CEP112: variants seen among roughly 807,000 people sequenced by gnomAD.
CEP112 encodes centrosomal protein of 112 kDa.
Under a neutral mutation model 153.0 loss-of-function variants are expected in CEP112, and 127 were observed. That is an observed-to-expected ratio of 0.83 (90% CI 0.72 to 0.96). CEP112 has a LOEUF of 0.96. Among genes scored for constraint, CEP112 ranks in the 40% least tolerant of loss-of-function variants. The pLI is 0.00. For synonymous variants in CEP112, 358 were observed against 374.4 expected (o/e 0.96, Z 0.51); for missense variants, 1,089 against 1,101.2 (o/e 0.99, Z 0.16).
intron 21 of CEP112, among the ~76,000 whole-genome samples, chr17:65,764,545 T>C (rs995596271): frequency 6.6e-6 from 1 of 152,254 alleles, no homozygotes; most frequent in Non-Finnish European, 1.5e-5. Context: ...TATGAAAGTT[T>C]TTGACTTGAT....
At chr17:66,098,112 C>T (rs2068422417) in intron 6 of CEP112, among the ~76,000 whole-genome samples, 1 of 152,216 alleles carries the variant, frequency 6.6e-6, no homozygotes, top group African/African-American at 2.4e-5. Flanking sequence ...ATCGTTCAAA[C>T]CAGATTCAAA....
intron 21 of CEP112, among the ~76,000 whole-genome samples, chr17:65,842,468 G>C (rs974686978): frequency 6.6e-6 from 1 of 152,012 alleles, no homozygotes; most frequent in Non-Finnish European, 1.5e-5. Context: ...AAGATTATTC[G>C]GGAAACTGTG....
intron 20 of CEP112, among the ~76,000 whole-genome samples, chr17:65,897,683 G>A (rs939344237): frequency 6.6e-6 from 1 of 151,812 alleles, no homozygotes; most frequent in Non-Finnish European, 1.5e-5. Flanking sequence ...AAAGCACTTT[G>A]TTTTTTGATT....
chr17:66,037,048 TA>T (rs1281453835), intron 12 of CEP112, among the ~76,000 whole-genome samples: 1 of 152,192 alleles, frequency 6.6e-6, no homozygotes, highest in African/African-American at 2.4e-5. Flanking sequence ...TAAGCCCCTT[TA>T]TTAAAATGCT....
chr17:66,183,688 A>G (rs2072810825), intron 1 of CEP112, among the ~76,000 whole-genome samples: 1 of 152,022 alleles, frequency 6.6e-6, no homozygotes, highest in Admixed American at 6.6e-5. Context: ...AACATAAACA[A>G]CTGATTTTCA....
chr17:65,752,158 T>C (rs770749778), intron 21 of CEP112, among the ~76,000 whole-genome samples: 9 of 152,152 alleles, frequency 5.9e-5, no homozygotes, highest in Non-Finnish European at 1.2e-4. Context: ...TGAGTTCCCT[T>C]TGTTTATTTA....
chr17:65,735,346 C>T (rs901509750), intron 23 of CEP112, among the ~76,000 whole-genome samples: 2 of 152,130 alleles, frequency 1.3e-5, no homozygotes, highest in African/African-American at 2.4e-5. Context: ...CTCATACAGA[C>T]ACAGAACTAC....
chr17:65,884,214 A>C (rs1470719311), intron 20 of CEP112, among the ~76,000 whole-genome samples: 1 of 152,226 alleles, frequency 6.6e-6, no homozygotes, highest in African/African-American at 2.4e-5. Context: ...GCTAGTGGAG[A>C]AAACAGAAAC....
rs869059954 is a variant in CEP112, at chr17:65,821,540, A to ATT, written c.2394+30262_2394+30263dup. Reference sequence around the variant, plus strand: ...TATATATATATATATATATATATATATTTTTTTTTTTTTTTTTTTTTTTTT... The same window carrying ATT: ...TATATATATATATATATATATATATATTTTTTTTTTTTTTTTTTTTTTTTTTT... On this transcript the variant is annotated intron_variant, in intron 21 of 26. Transcript: ENST00000535342. 1.3e-3 allele frequency among the ~76,000 whole-genome samples: 43 copies of ATT among 33,630 alleles called. 1 individual carries two copies. Among genetic ancestry groups the ATT allele is most frequent in the Admixed American group, 3.7e-3 (7 of 1,884 alleles). The allele number at this position is 33,630 out of a possible 152,430, so 22.1% of individuals were successfully genotyped here. A position where few individuals can be genotyped will look rare whatever the true frequency, so the allele number is the denominator to read the frequency against.
intron 1 of CEP112, among the ~76,000 whole-genome samples, chr17:66,184,913 T>C (rs1389972798): frequency 6.6e-6 from 1 of 152,172 alleles, no homozygotes; most frequent in East Asian, 1.9e-4. Context: ...CAGAAAGGAA[T>C]GAACTGCTGA....
In CEP112 at chr17:65,660,173, A is replaced by C. The variant is rs1183734775; in HGVS notation, c.2698-19108T>G. On this transcript the variant is annotated intron_variant, in intron 24 of 26. Coordinates refer to ENST00000535342, the MANE Select transcript of CEP112 (RefSeq NM_001199165.4). Reference sequence around the variant, plus strand: ...TCTGATTGGAGACTAATATACCTTGATTTCTCCTTCCTTCCTTCCTTCCTT... The same window carrying C: ...TCTGATTGGAGACTAATATACCTTGCTTTCTCCTTCCTTCCTTCCTTCCTT... Among the ~76,000 whole-genome samples, 763 of 89,324 alleles carry C rather than the reference A, an allele frequency of 8.5e-3. 1 individual carries two copies. The highest frequency in any genetic ancestry group is 0.04 in the African/African-American group (739 of 18,370). The allele number at this position is 89,324 out of a possible 152,430, so 58.6% of individuals were successfully genotyped here.
intron 18 of CEP112, among the ~76,000 whole-genome samples, chr17:65,932,357 A>AAG (rs1042656053): frequency 1.3e-5 from 2 of 152,246 alleles, no homozygotes; most frequent in Non-Finnish European, 2.9e-5. Flanking sequence ...GATTACAAAA[A>AAG]AAATCAAGGA....
intron 18 of CEP112, among the ~76,000 whole-genome samples, chr17:65,930,990 T>C (rs2061102575): frequency 6.6e-6 from 1 of 152,256 alleles, no homozygotes; most frequent in Admixed American, 6.5e-5. Context: ...TCTTTATTCT[T>C]CTAGCACATT....
At chr17:65,724,663 A>C (rs1392990658) in intron 23 of CEP112, among the ~76,000 whole-genome samples, 1 of 152,216 alleles carries the variant, frequency 6.6e-6, no homozygotes, top group Non-Finnish European at 1.5e-5. Flanking sequence ...TTTCTTTTAA[A>C]AAATTATACA....
intron 6 of CEP112, among the ~76,000 whole-genome samples, chr17:66,121,934 G>A (rs370369370): frequency 9.2e-5 from 14 of 151,712 alleles, no homozygotes; most frequent in East Asian, 3.9e-4. Flanking sequence ...TCGCTCTGTC[G>A]CCCAGGCTGG....
intron 24 of CEP112, among the ~76,000 whole-genome samples, chr17:65,670,223 G>A (rs562971531): frequency 1.3e-5 from 2 of 150,236 alleles, no homozygotes; most frequent in South Asian, 2.1e-4. Flanking sequence ...AAACTTTTGT[G>A]TTCTGTCATT....
At chr17:66,104,762 G>A (rs985660181) in intron 6 of CEP112, among the ~76,000 whole-genome samples, 36 of 152,068 alleles carry the variant, frequency 2.4e-4, no homozygotes, top group Non-Finnish European at 4.3e-4. Flanking sequence ...CCAAAAGAGA[G>A]GGGCATGACA....
At chr17:65,721,549 T>C (rs1239600449) in intron 23 of CEP112, among the ~76,000 whole-genome samples, 1 of 152,244 alleles carries the variant, frequency 6.6e-6, no homozygotes, top group Non-Finnish European at 1.5e-5. Context: ...CTTTTATTTA[T>C]ATATTGATCA....
intron 18 of CEP112, among the ~76,000 whole-genome samples, chr17:65,952,185 G>A (rs530531872): frequency 6.6e-6 from 1 of 152,144 alleles, no homozygotes; most frequent in Admixed American, 6.5e-5. Flanking sequence ...GTCATTGGGT[G>A]GGGTGATTTA....
Sources: gnomAD v4.1 joint callset for allele counts (sites outside exome capture counted in the v4.1 genomes callset) on GRCh38, gnomAD v4.1.1 for gene constraint, MANE v1.5 for transcripts, NCBI Gene and HGNC (gene_info 2026-07-23, HGNC 2026-07-21) for gene names.